Variants in CCDC73 observed in about 807,000 individuals in gnomAD.
CCDC73 encodes the protein coiled-coil domain containing 73.
Under a neutral mutation model 116.5 loss-of-function variants are expected in CCDC73, and 95 were observed. That is an observed-to-expected ratio of 0.82 (90% CI 0.69 to 0.97). The LOEUF is 0.97. CCDC73 is among the 50% of genes least tolerant of loss of function. CCDC73 has a pLI of 0.00. For missense variants in CCDC73, 1,066 were observed against 1,206.8 expected (o/e 0.88, Z 1.73); for synonymous variants, 398 against 401.3 (o/e 0.99, Z 0.10).
At chr11:32,661,487 T>A (rs866955196) in intron 9 of CCDC73, among the ~76,000 whole-genome samples, 9 of 139,550 alleles carry the variant, frequency 6.4e-5, no homozygotes, top group Non-Finnish European at 1.4e-4. Flanking sequence ...TGTGTGATGT[T>A]CCCCTTCCTG....
At chr11:32,667,806 C>G (rs1254484001) in intron 9 of CCDC73, among the ~76,000 whole-genome samples, 1 of 152,114 alleles carries the variant, frequency 6.6e-6, no homozygotes, top group Non-Finnish European at 1.5e-5. Flanking sequence ...CTTGGAACCA[C>G]CCCCCAACAA....
At chr11:32,794,104 T>C (rs1484505418) in intron 1 of CCDC73, among the ~76,000 whole-genome samples, 1 of 152,170 alleles carries the variant, frequency 6.6e-6, no homozygotes, top group African/African-American at 2.4e-5. Context: ...TTTCGCACTA[T>C]ACTTAAAACA....
chr11:32,688,754 C>A (rs1856227732), intron 6 of CCDC73, among the ~76,000 whole-genome samples: 1 of 152,030 alleles, frequency 6.6e-6, no homozygotes, highest in Non-Finnish European at 1.5e-5. Context: ...AAGAAAAAAA[C>A]TTAAGTGATT....
chr11:32,821,946 GGCAACGGCAGTCATCA>G, the CCDC73 span, among the ~76,000 whole-genome samples: 1 of 152,254 alleles, frequency 6.6e-6, no homozygotes, highest in South Asian at 2.1e-4. Context: ...GGACAGGATG[GGCAACGGCAGTCATCA>G]GCAACTCAGG....
chr11:32,636,813 G>A (rs1168371716), intron 13 of CCDC73, among the ~76,000 whole-genome samples: 1 of 151,386 alleles, frequency 6.6e-6, no homozygotes, highest in East Asian at 1.9e-4. Context: ...CTTTTCCAAG[G>A]CTAAACTCTC....
intron 9 of CCDC73, among the ~76,000 whole-genome samples, chr11:32,665,571 C>G (rs1855973110): frequency 1.3e-5 from 2 of 152,120 alleles, no homozygotes; most frequent in South Asian, 2.1e-4. Flanking sequence ...TGAGATGGGT[C>G]TCCTGAATAC....
chr11:32,716,390 T>C (rs1440602414), intron 3 of CCDC73, among the ~76,000 whole-genome samples: 1 of 152,208 alleles, frequency 6.6e-6, no homozygotes, highest in Non-Finnish European at 1.5e-5. Context: ...TAACTATGTA[T>C]ACTGCACCAA....
chr11:32,764,871 C>A (rs886406908), intron 1 of CCDC73, among the ~76,000 whole-genome samples: 2 of 152,160 alleles, frequency 1.3e-5, no homozygotes, highest in Non-Finnish European at 2.9e-5. Flanking sequence ...GGAGACCCAT[C>A]TCATGTGCAG....
At chr11:32,804,466 A>G in the CCDC73 span, among the ~76,000 whole-genome samples, 7 of 152,206 alleles carry the variant, frequency 4.6e-5, no homozygotes, top group African/African-American at 1.4e-4. Flanking sequence ...CATAGTCAGG[A>G]GTTTTCTTTA....
chr11:32,672,738 C>A (rs1008574182), intron 9 of CCDC73, among the ~76,000 whole-genome samples: 1 of 151,944 alleles, frequency 6.6e-6, no homozygotes, highest in Admixed American at 6.6e-5. Flanking sequence ...CTCTAATTTT[C>A]GAGGATGTAT....
intron 5 of CCDC73, among the ~76,000 whole-genome samples, chr11:32,699,674 T>A (rs1391883426): frequency 6.6e-6 from 1 of 152,018 alleles, no homozygotes; most frequent in Admixed American, 6.6e-5. Flanking sequence ...AGGTGGGAAC[T>A]GAACAATGAG....
chr11:32,693,350 G>T (rs943462247), intron 6 of CCDC73, among the ~76,000 whole-genome samples: 4 of 152,280 alleles, frequency 2.6e-5, no homozygotes, highest in Admixed American at 2.6e-4. Context: ...AACTTGGGGG[G>T]TTGGGAGAAA....
intron 3 of CCDC73, among the ~76,000 whole-genome samples, chr11:32,716,849 C>G (rs1849950633): frequency 6.6e-6 from 1 of 152,220 alleles, no homozygotes; most frequent in Admixed American, 6.5e-5. Flanking sequence ...AGGCGTGAGC[C>G]ACTGCAGTTG....
At chr11:32,762,379 T>C (rs1315462446) in intron 1 of CCDC73, among the ~76,000 whole-genome samples, 1 of 152,196 alleles carries the variant, frequency 6.6e-6, no homozygotes, top group Non-Finnish European at 1.5e-5. Flanking sequence ...ATCTTTACCC[T>C]GTGGGCATTT....
At chr11:32,678,321 G>A (rs1312872766) in intron 7 of CCDC73, among the ~76,000 whole-genome samples, 1 of 152,118 alleles carries the variant, frequency 6.6e-6, no homozygotes, top group Non-Finnish European at 1.5e-5. Context: ...AGGTAGTAGA[G>A]CACAGTGGTC....
At chr11:32,644,025 T>G (rs1855755510) in intron 12 of CCDC73, among the ~76,000 whole-genome samples, 1 of 152,040 alleles carries the variant, frequency 6.6e-6, no homozygotes, top group Admixed American at 6.6e-5. Context: ...AATTTTTTGG[T>G]CAAAAACTGA....
At chr11:32,767,106 C>T (rs1360535484) in intron 1 of CCDC73, among the ~76,000 whole-genome samples, 1 of 152,196 alleles carries the variant, frequency 6.6e-6, no homozygotes, top group African/African-American at 2.4e-5. Context: ...CAGCATGGTA[C>T]TGGTACCAAA....
chr11:32,728,035 T>G (rs1850043999), intron 2 of CCDC73, among the ~76,000 whole-genome samples: 2 of 152,072 alleles, frequency 1.3e-5, no homozygotes, highest in African/African-American at 4.8e-5. Context: ...GTGGATCGCT[T>G]GAGGCTATGA....
At chr11:32,661,582 G>A (rs929564625) in intron 9 of CCDC73, among the ~76,000 whole-genome samples, 1 of 151,790 alleles carries the variant, frequency 6.6e-6, no homozygotes, top group African/African-American at 2.4e-5. Flanking sequence ...AGTTTGCTGA[G>A]AACGATGGTT....
Sources: gnomAD v4.1 joint callset for allele counts (sites outside exome capture counted in the v4.1 genomes callset) on GRCh38, gnomAD v4.1.1 for gene constraint, MANE v1.5 for transcripts, NCBI Gene and HGNC (gene_info 2026-07-23, HGNC 2026-07-21) for gene names.